The following TSPAN18 variants were observed in gnomAD, a reference collection of about 807,000 sequenced individuals.
TSPAN18 encodes tetraspanin 18.
A neutral mutation model predicts 27.3 loss-of-function variants in TSPAN18; 14 were observed. That is an observed-to-expected ratio of 0.51 (90% CI 0.34 to 0.80). The LOEUF is 0.80. TSPAN18 is among the 30% of genes least tolerant of loss of function. The pLI, the probability that TSPAN18 is intolerant of heterozygous loss-of-function variation, is 0.01. For synonymous variants in TSPAN18, 143 were observed against 136.5 expected (o/e 1.05, Z -0.33); for missense variants, 268 against 323.9 (o/e 0.83, Z 1.32).
At chr11:44,761,705 C>T (rs1393846045) in intron 1 of TSPAN18, among the ~76,000 whole-genome samples, 5 of 152,216 alleles carry the variant, frequency 3.3e-5, no homozygotes, top group East Asian at 1.9e-4. Flanking sequence ...CTTTTAATTC[C>T]GTTAATGTGT....
At chr11:44,732,296 A>G (rs990786896) in intron 1 of TSPAN18, among the ~76,000 whole-genome samples, 2 of 152,232 alleles carry the variant, frequency 1.3e-5, no homozygotes, top group East Asian at 1.9e-4. Flanking sequence ...GCCGCCCGCC[A>G]GGTGCTTGAC....
chr11:44,755,419 G>C (rs73448574), intron 1 of TSPAN18, among the ~76,000 whole-genome samples: 1 of 151,930 alleles, frequency 6.6e-6, no homozygotes, highest in Non-Finnish European at 1.5e-5. Flanking sequence ...GTGACAGGAC[G>C]AGCAGGTGGG....
rs1860527937 is a variant in TSPAN18, at chr11:44,930,718, TG to T, written c.*1543del. ...TGTGCTGGGGATCTGAGGTTTGGTCTGGGCTCAGTGGGAGACGGCAGTGCAA... is the reference window on the plus strand; with the variant it reads ...TGTGCTGGGGATCTGAGGTTTGGTCTGGCTCAGTGGGAGACGGCAGTGCAA... On this transcript the variant is annotated 3_prime_UTR_variant, in exon 10 of 10. Transcript: ENST00000520358. 2.5e-6 allele frequency: 1 copy of T among 402,346 alleles called. No individual in the cohort carries two copies. The highest frequency in any genetic ancestry group is 2.0e-5 in the African/African-American group (1 of 48,844). The allele number at this position is 402,346 out of a possible 1,614,324, so 24.9% of individuals were successfully genotyped here. A position where few individuals can be genotyped will look rare whatever the true frequency, so the allele number is the denominator to read the frequency against.
chr11:44,882,700 ACT>A lies in TSPAN18; in HGVS notation c.-11+22234_-11+22235del, dbSNP rs1310343599. ...GAGAGAGCAGAGACAGAGAGACAAG[ACT>A]CTGAGATGGAGAGAGACGGAGGGAC... is the stretch of plus-strand genomic sequence containing the variant. On this transcript the variant is annotated intron_variant, in intron 3 of 9. Coordinates refer to ENST00000520358, the MANE Select transcript of TSPAN18 (RefSeq NM_130783.5). 2.0e-5 allele frequency among the ~76,000 whole-genome samples: 3 copies of A among 151,728 alleles called. No homozygotes were observed. In the South Asian group the frequency reaches 6.3e-4, roughly 32 times the overall value.
intron 3 of TSPAN18, among the ~76,000 whole-genome samples, chr11:44,900,492 C>T (rs893562222): frequency 3.3e-5 from 5 of 152,076 alleles, no homozygotes; most frequent in Admixed American, 1.3e-4. Context: ...TCCACCTCTC[C>T]GAGCCTCAGT....
At chr11:44,900,845 C>T (rs1859237555) in intron 3 of TSPAN18, among the ~76,000 whole-genome samples, 1 of 151,912 alleles carries the variant, frequency 6.6e-6, no homozygotes, top group South Asian at 2.1e-4. Context: ...AGGTTCCTGC[C>T]ACCACCCCCA....
intron 2 of TSPAN18, among the ~76,000 whole-genome samples, chr11:44,845,219 A>G (rs1490196321): frequency 2.0e-5 from 3 of 152,236 alleles, no homozygotes; most frequent in Non-Finnish European, 4.4e-5. Flanking sequence ...TGAGTAAGAC[A>G]TACAAGTCAA....
At chr11:44,823,450 C>T (rs1856970576) in intron 2 of TSPAN18, among the ~76,000 whole-genome samples, 1 of 152,078 alleles carries the variant, frequency 6.6e-6, no homozygotes, top group African/African-American at 2.4e-5. Context: ...TTTTTATGGA[C>T]TCACAATGGT....
intron 2 of TSPAN18, among the ~76,000 whole-genome samples, chr11:44,790,083 G>A (rs1856156516): frequency 6.6e-6 from 1 of 152,228 alleles, no homozygotes; most frequent in South Asian, 2.1e-4. Context: ...CCCCTGGTGG[G>A]TCGGGGCAGC....
chr11:44,739,598 TG>T (rs935669830), intron 1 of TSPAN18, among the ~76,000 whole-genome samples: 32 of 152,328 alleles, frequency 2.1e-4, no homozygotes, highest in African/African-American at 7.2e-4. Context: ...CATTCCAGCC[TG>T]GGCCACAGAG....
intron 3 of TSPAN18, chr11:44,897,914 C>T (rs1330634470): frequency 3.2e-6 from 4 of 1,243,872 alleles, no homozygotes; most frequent in Non-Finnish European, 4.2e-6. Context: ...TGATCCTTTC[C>T]AATCTGCCTG....
At chr11:44,839,937 CACCCAG>C (rs1313344729) in intron 2 of TSPAN18, among the ~76,000 whole-genome samples, 1 of 152,210 alleles carries the variant, frequency 6.6e-6, no homozygotes, top group Non-Finnish European at 1.5e-5. Flanking sequence ...CTAGATGCCA[CACCCAG>C]GGTGGGTGGC....
intron 3 of TSPAN18, among the ~76,000 whole-genome samples, chr11:44,899,580 G>T (rs1191335269): frequency 6.6e-6 from 1 of 152,220 alleles, no homozygotes; most frequent in Non-Finnish European, 1.5e-5. Context: ...CCTTGTGGCG[G>T]GGCAGGAGGG....
chr11:44,908,021 C>T (rs1859518690), intron 4 of TSPAN18, among the ~76,000 whole-genome samples: 1 of 148,002 alleles, frequency 6.8e-6, no homozygotes, highest in African/African-American at 2.5e-5. Flanking sequence ...TGCCACTGCA[C>T]TCCAGCCTGG....
intron 1 of TSPAN18, among the ~76,000 whole-genome samples, chr11:44,729,427 T>G (rs989556244): frequency 1.3e-5 from 2 of 152,122 alleles, no homozygotes; most frequent in African/African-American, 4.8e-5. Context: ...CCACCCCACT[T>G]TTCCTGAATT....
chr11:44,884,616 G>C (rs1048598427), intron 3 of TSPAN18, among the ~76,000 whole-genome samples: 6 of 152,212 alleles, frequency 3.9e-5, no homozygotes, highest in African/African-American at 1.4e-4. Context: ...TCCCTGCAGA[G>C]GTTTAAGTCA....
rs936184200 is a variant in TSPAN18 at position 44,852,436 on chromosome 11, C to A, written c.-152-7892C>A. 1.3e-5 allele frequency among the ~76,000 whole-genome samples: 2 copies of A among 152,240 alleles called. 1 individual carries two copies. Among genetic ancestry groups the A allele is most frequent in the South Asian group, 4.1e-4 (2 of 4,836 alleles). ...GTCAGAAGTAGAGACAGGACTCCAA[C>A]ACCAGCACTCTGACTCCAGAACTCA... On this transcript the variant is annotated intron_variant, in intron 2 of 9. Coordinates refer to ENST00000520358, the MANE Select transcript of TSPAN18 (RefSeq NM_130783.5).
chr11:44,903,978 T>A (rs1231041315), intron 3 of TSPAN18: 1 of 418,194 alleles, frequency 2.4e-6, no homozygotes, highest in African/African-American at 2.0e-5. Flanking sequence ...TGGCACATAG[T>A]AAATGCTCAA....
chr11:44,909,916 CCACCCCATCCATG>C lies in TSPAN18; in HGVS notation c.258+18_258+30del. On this transcript the variant is annotated intron_variant, in intron 5 of 9. Coordinates refer to ENST00000520358, the MANE Select transcript of TSPAN18 (RefSeq NM_130783.5). ...CTGCTATTTGTGAGTACCCCAGCCC[CCACCCCATCCATG>C]GGTGCTCTGAGGGGTGTCAGGGATT... is the stretch of plus-strand genomic sequence containing the variant. The C allele has an allele frequency of 6.2e-7, 1 of 1,601,014 alleles. No homozygotes were observed. Among genetic ancestry groups the C allele is most frequent in the Non-Finnish European group, 8.5e-7 (1 of 1,172,234 alleles).
Sources: gnomAD v4.1 joint callset for allele counts (sites outside exome capture counted in the v4.1 genomes callset) on GRCh38, gnomAD v4.1.1 for gene constraint, MANE v1.5 for transcripts, NCBI Gene and HGNC (gene_info 2026-07-23, HGNC 2026-07-21) for gene names.